The following POLR1A variants were observed in gnomAD, a reference collection of about 807,000 sequenced individuals.
POLR1A encodes the protein RNA polymerase I subunit A, also known as DNA-directed RNA polymerase I subunit RPA1.
In POLR1A, 84 loss-of-function variants were observed where a neutral mutation model predicts 205.3. That is an observed-to-expected ratio of 0.41 (90% CI 0.34 to 0.49). POLR1A has a LOEUF of 0.49. Among genes scored for constraint, POLR1A ranks in the 20% least tolerant of loss-of-function variants. The pLI, the probability that POLR1A is intolerant of heterozygous loss-of-function variation, is 0.22. For missense variants in POLR1A, 1,645 were observed against 2,204.5 expected, an observed-to-expected ratio of 0.75 and a Z score of 5.08; for synonymous variants, 799 against 863.7, an observed-to-expected ratio of 0.93 and a Z score of 1.31.
rs546363038 is a variant in POLR1A, at chr2:86,028,773, G to A, written c.4780-62C>T. 23 of 1,222,758 alleles carry A rather than the reference G, an allele frequency of 1.9e-5. No homozygotes were observed. Among genetic ancestry groups the A allele is most frequent in the Middle Eastern group, 1.9e-4 (1 of 5,150 alleles). 75.7% of individuals were successfully genotyped at this position (1,222,758 alleles called of 1,614,324 possible). ...TGGCCTTCTGCTCCCTTCTGCCTGC[G>A]TATCTCCCCCTGGCCGCTCTCTCTC... On this transcript the variant is annotated intron_variant, in intron 31 of 33. Transcript: ENST00000263857. The surrounding 1 kb of genome is among the most constrained non-coding windows in gnomAD (Gnocchi z 4.5).
In POLR1A at chr2:86,075,189, G is replaced by A; in HGVS notation, c.1452C>T (p.Val484=). The change falls in exon 12 of 34, where the codon GTC becomes GTT. Residue 484 remains valine, a synonymous_variant. Coordinates refer to ENST00000263857, the MANE Select transcript of POLR1A (RefSeq NM_015425.6). ...CTGGGTGCACATTAGGGCCGTTGAT[G>A]ACCGCTTGCCTAAGTTCCTGAACAT... ...PWNVQELRQA[V]INGPNVHPGA... The A allele has an allele frequency of 1.2e-6, 2 of 1,613,240 alleles. No individual in the cohort carries two copies. Among genetic ancestry groups the A allele is most frequent in the South Asian group, 1.1e-5 (1 of 90,726 alleles).
At chr2:86,041,316 G>C (rs1269740075) in intron 24 of POLR1A, among the ~76,000 whole-genome samples, 2 of 147,330 alleles carry the variant, frequency 1.4e-5, no homozygotes, top group African/African-American at 5.1e-5. Context: ...CCTAGTCCAA[G>C]CTGAGGCCTT....
chr2:86,032,257 C>A lies in POLR1A; in HGVS notation c.4272+15G>T. On this transcript the variant is annotated intron_variant, in intron 29 of 33. Transcript: ENST00000263857. Reference sequence around the variant, plus strand: ...CTGGGACCACAGCTCCTTCACCCCACACAGGGTCTCTCACCTCCTCCTCCT... The same window carrying A: ...CTGGGACCACAGCTCCTTCACCCCAAACAGGGTCTCTCACCTCCTCCTCCT... 1 of 1,554,474 alleles carries A rather than the reference C, an allele frequency of 6.4e-7. No homozygotes were observed. The highest frequency in any genetic ancestry group is 2.2e-5 in the East Asian group (1 of 44,648).
At chr2:86,090,768 GATGT>G (rs1673587980) in intron 3 of POLR1A, among the ~76,000 whole-genome samples, 1 of 152,224 alleles carries the variant, frequency 6.6e-6, no homozygotes, top group African/African-American at 2.4e-5. Context: ...ACTCTCAAAT[GATGT>G]AGGAAACAGA....
rs545930712 is a variant in POLR1A, at chr2:86,061,142, C to G, written c.2058+4132G>C. ...AACAGCTAAAATTAAACAAATAAAC[C>G]AGAAAAAGAAAACAACAACAACAGC... On this transcript the variant is annotated intron_variant, in intron 14 of 33. Coordinates refer to ENST00000263857, the MANE Select transcript of POLR1A (RefSeq NM_015425.6). Among the ~76,000 whole-genome samples the G allele has an allele frequency of 9.9e-5, 15 of 152,090 alleles. No homozygotes were observed. The South Asian group carries it at 2.7e-3, about 27-fold the overall frequency.
chr2:86,047,791 G>T (rs1316847682), intron 18 of POLR1A, among the ~76,000 whole-genome samples: 1 of 152,196 alleles, frequency 6.6e-6, no homozygotes, highest in African/African-American at 2.4e-5. Context: ...GGGATCCTGG[G>T]GAGATGCTGA....
chr2:86,075,594 C>T (rs779011476), intron 11 of POLR1A, among the ~76,000 whole-genome samples: 7 of 152,184 alleles, frequency 4.6e-5, no homozygotes, highest in East Asian at 1.9e-4. Context: ...CCACAATCTC[C>T]GCCTCCTGGG....
chr2:86,027,713 C>A (rs992104068), intron 33 of POLR1A, among the ~76,000 whole-genome samples, 172 bp downstream of exon 33: 1 of 152,150 alleles, frequency 6.6e-6, no homozygotes, highest in South Asian at 2.1e-4. Context: ...TCCTTCAAAG[C>A]GTAGAGGCAG....
Position 86,105,821 on chromosome 2 carries a change from C to G in POLR1A, c.-45G>C. On this transcript the variant is annotated 5_prime_UTR_variant, in exon 1 of 34. Transcript: ENST00000263857. Reference sequence around the variant, plus strand: ...TTCCGACACCCCAAGAGACGTTCCACTCACCACCTGACTATTCTTAATTCA... The same window carrying G: ...TTCCGACACCCCAAGAGACGTTCCAGTCACCACCTGACTATTCTTAATTCA... The G allele has an allele frequency of 2.0e-6, 3 of 1,479,304 alleles. No homozygotes were observed. Among genetic ancestry groups the G allele is most frequent in the South Asian group, 1.1e-5 (1 of 88,268 alleles). 91.6% of individuals were successfully genotyped at this position (1,479,304 alleles called of 1,614,324 possible).
At chr2:86,041,681 G>T (rs1477779489) in intron 24 of POLR1A, among the ~76,000 whole-genome samples, 1 of 152,130 alleles carries the variant, frequency 6.6e-6, no homozygotes, top group Non-Finnish European at 1.5e-5. Flanking sequence ...CCAGATGGGG[G>T]TGTCCACTCC....
chr2:86,032,958 C>G (rs974269414), intron 28 of POLR1A, among the ~76,000 whole-genome samples: 2 of 152,116 alleles, frequency 1.3e-5, no homozygotes, highest in African/African-American at 4.8e-5. Flanking sequence ...TAGGCCAGCC[C>G]CTCATTTTAG....
rs529973850 is a variant in POLR1A at position 86,052,745 on chromosome 2, C to T, written c.2392+72G>A. 6.0e-5 allele frequency: 77 copies of T among 1,277,012 alleles called. No individual in the cohort carries two copies. In the East Asian group the frequency reaches 2.0e-3, roughly 34 times the overall value. 79.1% of individuals were successfully genotyped at this position (1,277,012 alleles called of 1,614,324 possible). Reference sequence around the variant, plus strand: ...CTTCAGTGTGGACGGCTCTCTCTGTCCTGGGCCTGGGAGATGGCCAGGCGG... The same window carrying T: ...CTTCAGTGTGGACGGCTCTCTCTGTTCTGGGCCTGGGAGATGGCCAGGCGG... On this transcript the variant is annotated intron_variant, in intron 16 of 33. Transcript: ENST00000263857.
intron 12 of POLR1A, 86 bp downstream of exon 12, chr2:86,074,944 G>C (rs541731657): frequency 1.1e-6 from 1 of 906,534 alleles, no homozygotes; most frequent in Non-Finnish European, 1.7e-6. Context: ...GTGTCAGTGC[G>C]CACCGGAGCC....
intron 14 of POLR1A, among the ~76,000 whole-genome samples, chr2:86,063,181 C>T (rs943509547): frequency 7.3e-5 from 11 of 151,524 alleles, no homozygotes; most frequent in Admixed American, 3.9e-4. Flanking sequence ...ACTAAAAATA[C>T]AAAATTAGCC....
At chr2:86,068,393 G>A (rs111271852) in intron 13 of POLR1A, among the ~76,000 whole-genome samples, 1 of 115,676 alleles carries the variant, frequency 8.6e-6, no homozygotes. Flanking sequence ...GGGCGGGGGG[G>A]GGGGGCGGGT....
intron 6 of POLR1A, 127 bp from the exon 7 acceptor site, chr2:86,083,295 T>A: frequency 1.4e-6 from 1 of 697,128 alleles, no homozygotes; most frequent in Non-Finnish European, 2.6e-6. Context: ...AAGGGTAGCA[T>A]ATTATCAGGC....
At position 86,055,016 on chromosome 2, in the gene POLR1A, C is replaced by T. The variant is rs1298579955; in HGVS notation, c.2059-727G>A. Among the ~76,000 whole-genome samples, 25 of 152,218 alleles carry T rather than the reference C, an allele frequency of 1.6e-4. No individual in the cohort carries two copies. In the South Asian group the frequency reaches 4.8e-3, roughly 29 times the overall value. On this transcript the variant is annotated intron_variant, in intron 14 of 33. Transcript: ENST00000263857. ...AAGTAGTGTCTTTAGATGTGTGCAA[C>T]GAGGGCGCGGTGGCTCACGCCTGTA...
Position 86,047,260 on chromosome 2 carries a change from A to C in POLR1A, c.2638T>G (p.Cys880Gly), listed in dbSNP as rs1672726174. 1 of 1,608,606 alleles carries C rather than the reference A, an allele frequency of 6.2e-7. No homozygotes were observed. The highest frequency in any genetic ancestry group is 2.2e-5 in the East Asian group (1 of 44,820). ...TGTCTGTGTAGGCCAAAAGGCATGC[A>C]TGCCTGCAGATTAAATCAGCACAGT... ...NHYSNEINKA[C>G]MPFGLHRQFP... Residue 880 changes from cysteine to glycine, a missense_variant, in exon 19 of 34, where the codon TGC becomes GGC. This residue lies in a region of POLR1A where 339 missense variants were observed against 415.1 expected (regional missense o/e 0.82). Transcript: ENST00000263857.
chr2:86,086,483 C>T (rs1673506977), intron 6 of POLR1A, among the ~76,000 whole-genome samples: 2 of 152,252 alleles, frequency 1.3e-5, no homozygotes, highest in Admixed American at 1.3e-4. Context: ...CCCAGGGTTA[C>T]TGATCTGTGT....
Sources: gnomAD v4.1 joint callset for allele counts (sites outside exome capture counted in the v4.1 genomes callset) on GRCh38, gnomAD v4.1.1 for gene constraint, gnomAD v4.1.1 regional missense constraint, Gnocchi (gnomAD v3.1) non-coding constraint, MANE v1.5 for transcripts, NCBI Gene and HGNC (gene_info 2026-07-23, HGNC 2026-07-21) for gene names.